Variants in ZNF90 observed in about 807,000 individuals in gnomAD.
The protein encoded by ZNF90 is zinc finger protein HTF9.
ZNF90 carries 11 observed loss-of-function variants against 12.0 expected under a neutral mutation model. The observed-to-expected ratio is 0.92, with a 90% CI of 0.58 to 1.52. The LOEUF (loss-of-function observed/expected upper bound fraction) is 1.52, where lower values mean the gene tolerates loss of function less well. Ranked by LOEUF, ZNF90 falls within the 40% of genes most tolerant of loss-of-function variation. The pLI is 0.00. For missense variants in ZNF90, 765 were observed against 711.5 expected (o/e 1.08, Z -0.86); for synonymous variants, 232 against 240.1 (o/e 0.97, Z 0.31).
At chr19:20,103,077 C>A (rs542981996) in intron 1 of ZNF90, among the ~76,000 whole-genome samples, 29 of 152,124 alleles carry the variant, frequency 1.9e-4, no homozygotes, top group African/African-American at 7.0e-4. Context: ...TCCTTTGAGT[C>A]CTTTGAGAAA....
At position 20,118,498 on chromosome 19, in the gene ZNF90, G is replaced by T; in HGVS notation, c.944G>T (p.Cys315Phe). The change falls in exon 4 of 4, where the codon TGT becomes TTT. Residue 315 changes from cysteine to phenylalanine, a missense_variant. Cys to Phe is a radical substitution (Grantham distance 205). Coordinates refer to ENST00000418063, the MANE Select transcript of ZNF90 (RefSeq NM_007138.2). ...CATACTGAAGAGAAACCCTACAAAT[G>T]TGAAGAATGTGGCAAAGCCTTCAAG... ...ISHTEEKPYK[C>F]EECGKAFKLS... 1 of 1,613,726 alleles carries T rather than the reference G, an allele frequency of 6.2e-7. No individual in the cohort carries two copies. Among genetic ancestry groups the T allele is most frequent in the Non-Finnish European group, 8.5e-7 (1 of 1,179,944 alleles).
chr19:20,094,570 G>A (rs557882597), intron 1 of ZNF90, among the ~76,000 whole-genome samples: 2 of 152,216 alleles, frequency 1.3e-5, no homozygotes, highest in South Asian at 2.1e-4. Context: ...CTATACCTGG[G>A]GAATTTGCCT....
rs574196392 is a variant in ZNF90, at chr19:20,113,942, T to G, written c.227-3839T>G. 1.3e-3 allele frequency among the ~76,000 whole-genome samples: 196 copies of G among 152,140 alleles called. No individual in the cohort carries two copies. In the Middle Eastern group the frequency reaches 0.014, roughly 11 times the overall value. ...AAAACAATACTAACTCTGTATTTTT[T>G]TAAGGTATTATTGTTTACTTATGTG... is the stretch of plus-strand genomic sequence containing the variant. On this transcript the variant is annotated intron_variant, in intron 3 of 3. Transcript: ENST00000418063.
chr19:20,082,607 A>T (rs1333659558), intron 1 of ZNF90, among the ~76,000 whole-genome samples: 3 of 152,176 alleles, frequency 2.0e-5, no homozygotes, highest in Non-Finnish European at 4.4e-5. Context: ...CCCTAATCTC[A>T]AGTGCCCAGG....
At chr19:20,113,763 G>A (rs1337702458) in intron 3 of ZNF90, among the ~76,000 whole-genome samples, 2 of 152,050 alleles carry the variant, frequency 1.3e-5, no homozygotes, top group Admixed American at 6.5e-5. Context: ...GGGAGGCAGA[G>A]CTTGCAGTGA....
intron 3 of ZNF90, among the ~76,000 whole-genome samples, chr19:20,111,303 C>T (rs2122518219): frequency 6.6e-6 from 1 of 152,196 alleles, no homozygotes; most frequent in Non-Finnish European, 1.5e-5. Flanking sequence ...CAGTGCTACC[C>T]AAACCTCCCA....
Position 20,078,116 on chromosome 19 carries a change from C to A in ZNF90, c.-17C>A. On this transcript the variant is annotated 5_prime_UTR_variant, in exon 1 of 4. Coordinates refer to ENST00000418063, the MANE Select transcript of ZNF90 (RefSeq NM_007138.2). ...TATTGGGAGATCCACAGCTGAGGGA[C>A]CCCCGGAAGCCTAGAAATGGTGAGA... is the stretch of plus-strand genomic sequence containing the variant. 6.2e-7 allele frequency: 1 copy of A among 1,614,076 alleles called. No homozygotes were observed. The highest frequency in any genetic ancestry group is 1.3e-5 in the African/African-American group (1 of 75,048).
intron 3 of ZNF90, among the ~76,000 whole-genome samples, chr19:20,107,689 C>T (rs1412670649): frequency 6.6e-6 from 1 of 152,116 alleles, no homozygotes; most frequent in Admixed American, 6.5e-5. Flanking sequence ...CAATTTAACT[C>T]TTTCCTTCTT....
intron 1 of ZNF90, among the ~76,000 whole-genome samples, chr19:20,102,297 C>T (rs782095360): frequency 9.2e-5 from 14 of 152,180 alleles, no homozygotes; most frequent in Non-Finnish European, 1.6e-4. Flanking sequence ...TCCCTAGTCA[C>T]CTGCTCTGTC....
At chr19:20,114,691 T>C (rs924458090) in intron 3 of ZNF90, among the ~76,000 whole-genome samples, 10 of 152,172 alleles carry the variant, frequency 6.6e-5, no homozygotes, top group Admixed American at 2.6e-4. Context: ...GTTTTTGGCC[T>C]AACAGGTGGT....
intron 1 of ZNF90, among the ~76,000 whole-genome samples, chr19:20,088,190 G>T (rs1461602464): frequency 6.6e-6 from 1 of 151,890 alleles, no homozygotes; most frequent in African/African-American, 2.4e-5. Flanking sequence ...TTGAAGTGTT[G>T]GGGCGGCAAA....
intron 1 of ZNF90, among the ~76,000 whole-genome samples, chr19:20,092,916 C>T (rs1049074403): frequency 7.9e-5 from 12 of 151,958 alleles, no homozygotes; most frequent in African/African-American, 1.7e-4. Flanking sequence ...AGGTGAGAAG[C>T]GGAGGGGTGG....
intron 3 of ZNF90, among the ~76,000 whole-genome samples, chr19:20,115,064 A>G (rs2089125039): frequency 6.6e-6 from 1 of 152,174 alleles, no homozygotes; most frequent in Admixed American, 6.6e-5. Flanking sequence ...TTTGACTTAA[A>G]TTACATTTTA....
intron 1 of ZNF90, among the ~76,000 whole-genome samples, chr19:20,078,763 C>A (rs2088797251): frequency 6.6e-6 from 1 of 152,078 alleles, no homozygotes; most frequent in Admixed American, 6.5e-5. Context: ...CCGGGATCAG[C>A]TTAGATTGTG....
chr19:20,118,405 C>T lies in ZNF90; in HGVS notation c.851C>T (p.Pro284Leu), dbSNP rs2089161294. 6.2e-7 allele frequency: 1 copy of T among 1,609,594 alleles called. No individual in the cohort carries two copies. Among genetic ancestry groups the T allele is most frequent in the African/African-American group, 1.3e-5 (1 of 74,872 alleles). Reference sequence around the variant, plus strand: ...AAGAGAATTCATACTGGAGAGAAACCCTACAAGTGTGATAAATGTGGCAGA... The same window carrying T: ...AAGAGAATTCATACTGGAGAGAAACTCTACAAGTGTGATAAATGTGGCAGA... The part of the protein sequence containing the change: ...AHKRIHTGEK[P>L]YKCDKCGRAF... Residue 284 changes from proline to leucine, a missense_variant, in exon 4 of 4, where the codon CCC becomes CTC. Coordinates refer to ENST00000418063, the MANE Select transcript of ZNF90 (RefSeq NM_007138.2).
At chr19:20,081,766 C>CTTT (rs1188295118) in intron 1 of ZNF90, among the ~76,000 whole-genome samples, 2 of 144,236 alleles carry the variant, frequency 1.4e-5, no homozygotes, top group African/African-American at 5.7e-5. Flanking sequence ...TTCTTTCTTT[C>CTTT]TTCTTTTTTT....
intron 3 of ZNF90, among the ~76,000 whole-genome samples, chr19:20,106,780 G>A (rs1382267167): frequency 2.0e-5 from 3 of 152,178 alleles, no homozygotes; most frequent in Admixed American, 2.0e-4. Context: ...GTTTTAGAAG[G>A]TAAAGATCTT....
intron 3 of ZNF90, among the ~76,000 whole-genome samples, chr19:20,113,298 C>T (rs1456222783): frequency 6.6e-6 from 1 of 151,980 alleles, no homozygotes; most frequent in African/African-American, 2.4e-5. Flanking sequence ...TCAAGCCCTT[C>T]TCCTGCCTCA....
At chr19:20,108,502 G>C (rs2089058707) in intron 3 of ZNF90, among the ~76,000 whole-genome samples, 2 of 152,104 alleles carry the variant, frequency 1.3e-5, no homozygotes, top group South Asian at 4.2e-4. Flanking sequence ...TAGAGATGAG[G>C]ATGGGGTTTC....
Sources: allele counts gnomAD v4.1 joint callset (sites outside exome capture counted in the v4.1 genomes callset), GRCh38; gene constraint gnomAD v4.1.1; transcripts MANE v1.5; gene names NCBI Gene and HGNC (gene_info 2026-07-23, HGNC 2026-07-21).